Variants in SETD5 observed in about 807,000 individuals in gnomAD.
SETD5 encodes the protein SET domain containing 5, also known as histone-lysine N-methyltransferase SETD5.
SETD5 carries 44 observed loss-of-function variants against 153.3 expected under a neutral mutation model. That is an observed-to-expected ratio of 0.29 (90% CI 0.23 to 0.37). The LOEUF (loss-of-function observed/expected upper bound fraction) is 0.37, where lower values mean the gene tolerates loss of function less well. Among genes scored for constraint, SETD5 ranks in the 10% least tolerant of loss-of-function variants. The probability of loss-of-function intolerance (pLI) is 1.00; values close to 1 mark genes in which losing one functional copy is unlikely to be tolerated. For missense variants in SETD5, 1,544 were observed against 1,768.0 expected (o/e 0.87, Z 2.27); for synonymous variants, 716 against 645.2 (o/e 1.11, Z -1.66).
chr3:9,445,416 A>G (rs973498621), intron 12 of SETD5, 116 bp downstream of exon 12: 2 of 1,143,720 alleles, frequency 1.7e-6, no homozygotes, highest in East Asian at 5.1e-5. Flanking sequence ...TGCCCTTTAT[A>G]TCAATGTGGG....
rs566662879 is a variant in SETD5, at chr3:9,466,555, T to A, written c.2724+1883T>A. On this transcript the variant is annotated intron_variant, in intron 18 of 22. Coordinates refer to ENST00000402198, the MANE Select transcript of SETD5 (RefSeq NM_001080517.3). ...TCCAAGGCATGGTTTCACTTGCAAT[T>A]TAAGGAAATTTTACCTTTCTCATCA... Among the ~76,000 whole-genome samples, 15 of 152,208 alleles carry A rather than the reference T, an allele frequency of 9.9e-5. No individual in the cohort carries two copies. The South Asian group carries it at 2.1e-3, about 21-fold the overall frequency.
intron 21 of SETD5, 55 bp from the exon 22 acceptor site, chr3:9,475,013 T>C (rs2045711006): frequency 1.4e-6 from 2 of 1,478,154 alleles, no homozygotes; most frequent in Admixed American, 2.1e-5. Context: ...AATGGCTCTT[T>C]CTTACTTATT....
chr3:9,443,820 CTT>C (rs2041595881), intron 11 of SETD5, among the ~76,000 whole-genome samples: 1 of 152,180 alleles, frequency 6.6e-6, no homozygotes, highest in African/African-American at 2.4e-5. Flanking sequence ...AATCTCAACA[CTT>C]TGGAAGGCTG....
chr3:9,456,969 C>G (rs1028872247), intron 17 of SETD5, among the ~76,000 whole-genome samples: 1 of 148,246 alleles, frequency 6.7e-6, no homozygotes, highest in Admixed American at 6.7e-5. Context: ...AGTGAGACTC[C>G]GTCTCAAAAA....
chr3:9,475,569 T>C lies in SETD5; in HGVS notation c.3807T>C (p.Ser1269=). Residue 1269 remains serine, a synonymous_variant, in exon 23 of 23, where the codon TCT becomes TCC. Transcript: ENST00000402198. ...SSPFRGHPTQ[S]PGYSYRTTAL... Reference sequence around the variant, plus strand: ...CCTTCAGAGGACATCCTACACAGTCTCCAGGATACAGTTATCGAACTACTG... The same window carrying C: ...CCTTCAGAGGACATCCTACACAGTCCCCAGGATACAGTTATCGAACTACTG... 6.2e-7 allele frequency: 1 copy of C among 1,613,814 alleles called. No individual in the cohort carries two copies. The highest frequency in any genetic ancestry group is 8.5e-7 in the Non-Finnish European group (1 of 1,179,868).
intron 3 of SETD5, chr3:9,432,380 T>C (rs1305333126): frequency 5.0e-6 from 3 of 601,394 alleles, no homozygotes; most frequent in Non-Finnish European, 6.3e-6. Flanking sequence ...TCAATTGACA[T>C]TGCACCACAT....
intron 17 of SETD5, among the ~76,000 whole-genome samples, chr3:9,456,454 C>A: frequency 7.1e-6 from 1 of 140,110 alleles, no homozygotes; most frequent in Admixed American, 7.4e-5. Flanking sequence ...GCCTGGGTGA[C>A]GGAGGGAGAT....
intron 17 of SETD5, among the ~76,000 whole-genome samples, chr3:9,456,425 A>G (rs2043247767): frequency 6.8e-6 from 1 of 148,040 alleles, no homozygotes; most frequent in Admixed American, 6.8e-5. Context: ...GTGAGACGAG[A>G]TTGCGCCACT....
chr3:9,443,659 C>CT lies in SETD5; in HGVS notation c.1187+247dup, dbSNP rs2041577051. On this transcript the variant is annotated intron_variant, in intron 11 of 22. Transcript: ENST00000402198. ...CTGACAGAAGTGTTTTCGCTTATGC[C>CT]TTTTTAGCAAGAATAGCAAAATGGA... Among the ~76,000 whole-genome samples, 3 of 152,094 alleles carry CT rather than the reference C, an allele frequency of 2.0e-5. No individual in the cohort carries two copies. The South Asian group carries it at 6.2e-4, about 31-fold the overall frequency.
intron 17 of SETD5, among the ~76,000 whole-genome samples, chr3:9,457,970 G>A (rs1187844953): frequency 6.6e-6 from 1 of 152,006 alleles, no homozygotes; most frequent in Non-Finnish European, 1.5e-5. Context: ...TTCTCTTGAG[G>A]TGTAAGACGA....
intron 18 of SETD5, among the ~76,000 whole-genome samples, 153 bp from the exon 19 acceptor site, chr3:9,470,306 G>A (rs567038576): frequency 2.3e-4 from 35 of 152,270 alleles, no homozygotes; most frequent in African/African-American, 5.1e-4. Context: ...CTGTTGCTAC[G>A]TGGGACTTTT....
At chr3:9,401,802 G>A (rs1559337817) in intron 1 of SETD5, among the ~76,000 whole-genome samples, 1 of 152,198 alleles carries the variant, frequency 6.6e-6, no homozygotes, top group Non-Finnish European at 1.5e-5. Flanking sequence ...GTCTAGCAGT[G>A]AATTTTATTT....
At chr3:9,417,127 C>A (rs1272083755) in intron 1 of SETD5, among the ~76,000 whole-genome samples, 2 of 151,980 alleles carry the variant, frequency 1.3e-5, no homozygotes, top group African/African-American at 4.8e-5. Flanking sequence ...TGATAGTAAC[C>A]AAAGTTATGC....
intron 1 of SETD5, among the ~76,000 whole-genome samples, chr3:9,418,930 G>A (rs925859447): frequency 2.0e-5 from 3 of 152,088 alleles, no homozygotes; most frequent in Admixed American, 1.3e-4. Flanking sequence ...GGATTCAAGC[G>A]ATTCTCCTGC....
chr3:9,435,668 CTACTTTTAATG>C, intron 6 of SETD5, 49 bp from the exon 7 acceptor site: 7 of 1,415,112 alleles, frequency 4.9e-6, no homozygotes, highest in Non-Finnish European at 6.5e-6. Context: ...AAAGAATAAG[CTACTTTTAATG>C]TACTTTTGAG....
chr3:9,474,705 C>T, intron 21 of SETD5, 123 bp downstream of exon 21: 1 of 1,357,238 alleles, frequency 7.4e-7, no homozygotes, highest in Non-Finnish European at 1.0e-6. Context: ...CCACCGCATG[C>T]TAGGTTCCAG....
chr3:9,412,446 A>C (rs2036749337), intron 1 of SETD5, among the ~76,000 whole-genome samples: 1 of 126,578 alleles, frequency 7.9e-6, no homozygotes, highest in African/African-American at 3.0e-5. Flanking sequence ...TCTGTCGCCC[A>C]GGCTAGAGTG....
intron 18 of SETD5, among the ~76,000 whole-genome samples, chr3:9,470,229 C>T (rs2045144465): frequency 6.6e-6 from 1 of 152,126 alleles, no homozygotes; most frequent in Non-Finnish European, 1.5e-5. Flanking sequence ...CCAGTATTTC[C>T]CATCCAGAAA....
rs182613698 is a variant in SETD5 at position 9,417,384 on chromosome 3, T to G, written c.-176-7083T>G. ...GGCCAGGGCATGGATTTGGACCATG[T>G]GGGTGTCATAATGGAGTATACCAAG... On this transcript the variant is annotated intron_variant, in intron 1 of 22. Coordinates refer to ENST00000402198, the MANE Select transcript of SETD5 (RefSeq NM_001080517.3). 9.9e-5 allele frequency among the ~76,000 whole-genome samples: 15 copies of G among 152,284 alleles called. No individual in the cohort carries two copies. In the East Asian group the frequency reaches 2.9e-3, roughly 29 times the overall value.
Sources: allele counts gnomAD v4.1 joint callset (sites outside exome capture counted in the v4.1 genomes callset), GRCh38; gene constraint gnomAD v4.1.1; transcripts MANE v1.5; gene names NCBI Gene and HGNC (gene_info 2026-07-23, HGNC 2026-07-21).